Variants in CSNK2A2IP observed in about 807,000 individuals in gnomAD.
CSNK2A2IP encodes the protein casein kinase 2 subunit alpha' interacting protein, also known as casein kinase II subunit alpha'-interacting protein.
chr3:88,379,231 C>T, the CSNK2A2IP span, among the ~76,000 whole-genome samples: 1 of 152,120 alleles, frequency 6.6e-6, no homozygotes, highest in African/African-American at 2.4e-5. Flanking sequence ...GTGGCACAGA[C>T]CTTTGTGACA....
chr3:88,446,616 A>G, the CSNK2A2IP span, among the ~76,000 whole-genome samples: 1 of 152,228 alleles, frequency 6.6e-6, no homozygotes, highest in South Asian at 2.1e-4. Context: ...CTAATACTTA[A>G]TGGTGAAATG....
At chr3:88,437,024 C>A in the CSNK2A2IP span, among the ~76,000 whole-genome samples, 1 of 152,126 alleles carries the variant, frequency 6.6e-6, no homozygotes, top group Non-Finnish European at 1.5e-5. Flanking sequence ...AAATAAAGTC[C>A]AGTATGCTTG....
At chr3:88,367,258 T>C in the CSNK2A2IP span, among the ~76,000 whole-genome samples, 5 of 152,092 alleles carry the variant, frequency 3.3e-5, no homozygotes, top group Admixed American at 2.6e-4. Flanking sequence ...AAGAGTCAAA[T>C]AGTTTTGGGG....
the CSNK2A2IP span, among the ~76,000 whole-genome samples, chr3:88,406,940 G>A: frequency 6.6e-6 from 1 of 152,204 alleles, no homozygotes; most frequent in East Asian, 1.9e-4. Flanking sequence ...CGGAGGTGAG[G>A]GGGAGTATTC....
the CSNK2A2IP span, among the ~76,000 whole-genome samples, chr3:88,425,866 A>C: frequency 6.6e-6 from 1 of 152,114 alleles, no homozygotes. Flanking sequence ...ATTATGCTAG[A>C]TGTTGCTGGC....
At chr3:88,446,245 C>T in the CSNK2A2IP span, among the ~76,000 whole-genome samples, 7 of 151,822 alleles carry the variant, frequency 4.6e-5, no homozygotes, top group East Asian at 1.9e-4. Flanking sequence ...CATGCCACTA[C>T]GCCCAGCTAA....
At chr3:88,409,911 A>C in the CSNK2A2IP span, among the ~76,000 whole-genome samples, 3 of 152,184 alleles carry the variant, frequency 2.0e-5, no homozygotes, top group African/African-American at 7.2e-5. Context: ...CAATGATAGT[A>C]TTTAACTTCC....
the CSNK2A2IP span, among the ~76,000 whole-genome samples, chr3:88,442,359 T>C: frequency 1.3e-5 from 2 of 151,912 alleles, no homozygotes; most frequent in Non-Finnish European, 1.5e-5. Flanking sequence ...TATCAAATAC[T>C]CAAATACATG....
chr3:88,361,419 A>C, the CSNK2A2IP span, among the ~76,000 whole-genome samples: 1 of 152,132 alleles, frequency 6.6e-6, no homozygotes, highest in Non-Finnish European at 1.5e-5. Flanking sequence ...CCTCTTCAGC[A>C]CTTTGAATAT....
At chr3:88,371,263 G>C in the CSNK2A2IP span, among the ~76,000 whole-genome samples, 1 of 151,818 alleles carries the variant, frequency 6.6e-6, no homozygotes, top group East Asian at 1.9e-4. Flanking sequence ...CATCAAAGCA[G>C]CTATTATAAG....
chr3:88,388,767 T>C, the CSNK2A2IP span, among the ~76,000 whole-genome samples: 3 of 152,188 alleles, frequency 2.0e-5, no homozygotes, highest in African/African-American at 7.2e-5. Context: ...CTTCAATTTT[T>C]GGTTATTTGA....
chr3:88,371,026 G>C, the CSNK2A2IP span, among the ~76,000 whole-genome samples: 1 of 151,660 alleles, frequency 6.6e-6, no homozygotes, highest in Non-Finnish European at 1.5e-5. Context: ...TTGACTTTTA[G>C]CTTTCAGAAA....
At chr3:88,430,173 G>A in the CSNK2A2IP span, among the ~76,000 whole-genome samples, 1 of 152,156 alleles carries the variant, frequency 6.6e-6, no homozygotes, top group South Asian at 2.1e-4. Context: ...TTTCAACCAA[G>A]GATGGAGGGA....
the CSNK2A2IP span, among the ~76,000 whole-genome samples, chr3:88,406,555 T>C: frequency 0.15 from 22,697 of 152,190 alleles, 2,173 homozygotes; most frequent in East Asian, 0.22. Flanking sequence ...TCTTAGGGAA[T>C]GCTTTGTTCC....
chr3:88,389,395 G>A, the CSNK2A2IP span, among the ~76,000 whole-genome samples: 2 of 152,140 alleles, frequency 1.3e-5, no homozygotes, highest in South Asian at 2.1e-4. Flanking sequence ...TTGAGGAACC[G>A]CTGGAAAGCT....
chr3:88,441,258 A>T, the CSNK2A2IP span, among the ~76,000 whole-genome samples: 1 of 152,148 alleles, frequency 6.6e-6, no homozygotes, highest in South Asian at 2.1e-4. Flanking sequence ...GTTGTTATTC[A>T]GGGTCTGGGT....
the CSNK2A2IP span, among the ~76,000 whole-genome samples, chr3:88,451,426 G>GT: frequency 0.35 from 51,435 of 148,290 alleles, 10,184 homozygotes; most frequent in Non-Finnish European, 0.46. Context: ...TAAAATCAGG[G>GT]TTTTTTTTTT....
At chr3:88,402,721 G>T in the CSNK2A2IP span, among the ~76,000 whole-genome samples, 1 of 151,938 alleles carries the variant, frequency 6.6e-6, no homozygotes, top group Non-Finnish European at 1.5e-5. Context: ...CCATATATTT[G>T]TACATAAAGA....
the CSNK2A2IP span, among the ~76,000 whole-genome samples, chr3:88,366,038 C>A: frequency 1.3e-5 from 2 of 151,948 alleles, no homozygotes; most frequent in African/African-American, 4.8e-5. Flanking sequence ...TATACTGTAC[C>A]CAACGAGATT....
Sources: allele counts gnomAD v4.1 joint callset (sites outside exome capture counted in the v4.1 genomes callset), GRCh38; gene constraint gnomAD v4.1.1; transcripts MANE v1.5; gene names NCBI Gene and HGNC (gene_info 2026-07-23, HGNC 2026-07-21).